CACNA2D2: variants seen among roughly 807,000 people sequenced by gnomAD.
The protein encoded by CACNA2D2 is voltage-dependent calcium channel subunit alpha-2/delta-2.
Under a neutral mutation model 166.4 loss-of-function variants are expected in CACNA2D2, and 48 were observed. The observed-to-expected ratio is 0.29, with a 90% CI of 0.23 to 0.37. CACNA2D2 has a LOEUF of 0.37. Among genes scored for constraint, CACNA2D2 ranks in the 10% least tolerant of loss-of-function variants. The pLI, the probability that CACNA2D2 is intolerant of heterozygous loss-of-function variation, is 1.00. For missense variants in CACNA2D2, 1,122 were observed against 1,433.0 expected (o/e 0.78, Z 3.50); for synonymous variants, 561 against 573.7 (o/e 0.98, Z 0.32).
chr3:50,472,523 C>T (rs957232537), intron 2 of CACNA2D2, among the ~76,000 whole-genome samples: 3 of 152,192 alleles, frequency 2.0e-5, no homozygotes, highest in Non-Finnish European at 4.4e-5. Context: ...TATAGAGATC[C>T]TCCAAGGAAG....
intron 2 of CACNA2D2, among the ~76,000 whole-genome samples, chr3:50,454,460 C>G (rs963321073): frequency 3.3e-5 from 5 of 152,164 alleles, no homozygotes; most frequent in Non-Finnish European, 5.9e-5. Context: ...CTCTCTCTGC[C>G]GAGTCCTTGC....
intron 2 of CACNA2D2, among the ~76,000 whole-genome samples, chr3:50,460,471 A>G (rs188919183): frequency 1.8e-4 from 27 of 147,828 alleles, no homozygotes; most frequent in African/African-American, 5.1e-4. Context: ...TTCAAAATAA[A>G]AAGTTTTTTT....
intron 1 of CACNA2D2, among the ~76,000 whole-genome samples, chr3:50,502,794 G>A (rs1018890653): frequency 2.6e-5 from 4 of 152,238 alleles, no homozygotes; most frequent in African/African-American, 9.6e-5. Flanking sequence ...GTAAAGCGCC[G>A]GATTCCCACC....
intron 22 of CACNA2D2, among the ~76,000 whole-genome samples, chr3:50,374,331 G>C (rs1490552145): frequency 2.4e-4 from 22 of 92,130 alleles, no homozygotes; most frequent in African/African-American, 9.0e-4. Flanking sequence ...AGAAAGGGGA[G>C]GGTAGGGGGA....
chr3:50,461,756 A>AG (rs987539617), intron 2 of CACNA2D2, among the ~76,000 whole-genome samples: 4 of 149,230 alleles, frequency 2.7e-5, no homozygotes, highest in African/African-American at 9.9e-5. Flanking sequence ...AAAAAAAAAA[A>AG]AAAAAAAGAA....
intron 2 of CACNA2D2, among the ~76,000 whole-genome samples, chr3:50,458,473 T>C (rs1175978520): frequency 6.6e-6 from 1 of 152,004 alleles, no homozygotes; most frequent in Non-Finnish European, 1.5e-5. Flanking sequence ...TCAGGTGTAG[T>C]GAGAGGGTGG....
At chr3:50,378,235 C>T (rs912146663) in intron 14 of CACNA2D2, 49 bp downstream of exon 14, 3 of 1,555,954 alleles carry the variant, frequency 1.9e-6, no homozygotes, top group African/African-American at 2.7e-5. Flanking sequence ...CACACAGCGT[C>T]CCTGCAGGGA....
chr3:50,465,643 G>C (rs1321427132), intron 2 of CACNA2D2, among the ~76,000 whole-genome samples: 1 of 152,222 alleles, frequency 6.6e-6, no homozygotes, highest in African/African-American at 2.4e-5. Context: ...AGGGCTATGG[G>C]AGCTGGGGAG....
At chr3:50,500,475 G>A (rs756607889) in intron 1 of CACNA2D2, among the ~76,000 whole-genome samples, 1 of 152,114 alleles carries the variant, frequency 6.6e-6, no homozygotes. Context: ...GGTACAGCTC[G>A]ATGAAAGACC....
chr3:50,427,547 T>C lies in CACNA2D2; in HGVS notation c.405+6766A>G, dbSNP rs957692850. 1.3e-5 allele frequency among the ~76,000 whole-genome samples: 2 copies of C among 152,158 alleles called. No homozygotes were observed. Among genetic ancestry groups the C allele is most frequent in the African/African-American group, 4.8e-5 (2 of 41,432 alleles). ...GAGCAGGAGAGTGGAAGGGTCAAGA[T>C]CTCTTAATGTTCATAATGGAGGGGA... On this transcript the variant is annotated intron_variant, in intron 3 of 37. Coordinates refer to ENST00000424201, the MANE Select transcript of CACNA2D2 (RefSeq NM_006030.4). This position sits in a 1 kb window ranked among gnomAD's most constrained non-coding sequence, Gnocchi z 4.7.
At chr3:50,472,746 C>A (rs905217992) in intron 2 of CACNA2D2, among the ~76,000 whole-genome samples, 5 of 152,170 alleles carry the variant, frequency 3.3e-5, no homozygotes, top group Non-Finnish European at 7.4e-5. Context: ...GGAGACCTGT[C>A]CCAGCTCCAC....
At position 50,379,260 on chromosome 3, in the gene CACNA2D2, T is replaced by G; in HGVS notation, c.1153-61A>C. 1 of 1,489,992 alleles carries G rather than the reference T, an allele frequency of 6.7e-7. No individual in the cohort carries two copies. The highest frequency in any genetic ancestry group is 9.3e-7 in the Non-Finnish European group (1 of 1,069,678). 92.3% of individuals were successfully genotyped at this position (1,489,992 alleles called of 1,614,324 possible). A position where few individuals can be genotyped will look rare whatever the true frequency, so the allele number is the denominator to read the frequency against. On this transcript the variant is annotated intron_variant, in intron 11 of 37. Transcript: ENST00000424201. The surrounding 1 kb of genome is among the most constrained non-coding windows in gnomAD (Gnocchi z 6.5). ...CCCTCCCTGGTCCAGGGGCAGGGCC[T>G]CCCTCCCGCAGTGGGCCTGGACCTC...
At chr3:50,374,903 C>T (rs1041778158) in intron 21 of CACNA2D2, 90 bp from the exon 22 acceptor site, 8 of 1,022,510 alleles carry the variant, frequency 7.8e-6, no homozygotes, top group Non-Finnish European at 1.2e-5. Flanking sequence ...GCAGAGGCCC[C>T]AGCTGCAGCA....
At chr3:50,412,195 C>T (rs559257552) in intron 3 of CACNA2D2, among the ~76,000 whole-genome samples, 7 of 152,212 alleles carry the variant, frequency 4.6e-5, no homozygotes, top group Non-Finnish European at 8.8e-5. Flanking sequence ...CTAATTAATA[C>T]TTTGCCAAAT....
At chr3:50,445,858 T>C (rs1385519514) in intron 2 of CACNA2D2, among the ~76,000 whole-genome samples, 5 of 152,142 alleles carry the variant, frequency 3.3e-5, no homozygotes, top group Non-Finnish European at 5.9e-5. Context: ...ACCCAGTCCA[T>C]AGAGGTGCTC....
At chr3:50,477,176 G>A (rs1057254296) in intron 1 of CACNA2D2, among the ~76,000 whole-genome samples, 1 of 151,974 alleles carries the variant, frequency 6.6e-6, no homozygotes, top group Non-Finnish European at 1.5e-5. Flanking sequence ...TGATCCGCCT[G>A]TCTCAGCCTC....
At chr3:50,419,446 G>A (rs1045621305) in intron 3 of CACNA2D2, among the ~76,000 whole-genome samples, 1 of 152,132 alleles carries the variant, frequency 6.6e-6, no homozygotes, top group African/African-American at 2.4e-5. Context: ...AATTCTACAA[G>A]GGAAACATTG....
At position 50,375,884 on chromosome 3, in the gene CACNA2D2, G is replaced by C. The variant is rs748266125; in HGVS notation, c.1774-4C>G. The C allele has an allele frequency of 6.2e-7, 1 of 1,613,042 alleles. No individual in the cohort carries two copies. The highest frequency in any genetic ancestry group is 1.7e-5 in the Admixed American group (1 of 60,016). Reference sequence around the variant, plus strand: ...CATCAATCATGCTCCGACGGATCTGGAAGGGCCAGAGATGTGAGGGGCAGG... The same window carrying C: ...CATCAATCATGCTCCGACGGATCTGCAAGGGCCAGAGATGTGAGGGGCAGG... On this transcript the variant is annotated splice_polypyrimidine_tract_variant and splice_region_variant and intron_variant, in intron 19 of 37. Coordinates refer to ENST00000424201, the MANE Select transcript of CACNA2D2 (RefSeq NM_006030.4). This position sits in a 1 kb window ranked among gnomAD's most constrained non-coding sequence, Gnocchi z 4.0.
intron 22 of CACNA2D2, 64 bp downstream of exon 22, chr3:50,374,673 G>A: frequency 6.5e-7 from 1 of 1,537,618 alleles, no homozygotes. Context: ...TATGCTGCCT[G>A]GGGCCGGCCA....
Sources: gnomAD v4.1 joint callset for allele counts (sites outside exome capture counted in the v4.1 genomes callset) on GRCh38, gnomAD v4.1.1 for gene constraint, Gnocchi (gnomAD v3.1) non-coding constraint, MANE v1.5 for transcripts, NCBI Gene and HGNC (gene_info 2026-07-23, HGNC 2026-07-21) for gene names.